The following LAMP5 variants were observed in gnomAD, a reference collection of about 807,000 sequenced individuals.
LAMP5 encodes the protein lysosome-associated membrane glycoprotein 5.
LAMP5 carries 36 observed loss-of-function variants against 30.2 expected under a neutral mutation model. That is an observed-to-expected ratio of 1.19 (90% CI 0.91 to 1.57). The LOEUF is 1.57. Among genes scored for constraint, LAMP5 ranks in the 40% most tolerant of loss-of-function variants. The pLI is 0.00. For synonymous variants in LAMP5, 149 were observed against 134.6 expected (o/e 1.11, Z -0.74); for missense variants, 377 against 354.9 (o/e 1.06, Z -0.50).
At chr20:9,522,490 C>T (rs2045085576) in intron 5 of LAMP5, among the ~76,000 whole-genome samples, 1 of 152,152 alleles carries the variant, frequency 6.6e-6, no homozygotes, top group Admixed American at 6.5e-5. Context: ...GAGTAAGCAG[C>T]CAACGGTAAA....
intron 5 of LAMP5, among the ~76,000 whole-genome samples, chr20:9,523,468 T>C (rs1192801236): frequency 6.6e-6 from 1 of 152,196 alleles, no homozygotes; most frequent in African/African-American, 2.4e-5. Context: ...AATGCTGTCA[T>C]GAAATAAAAC....
chr20:9,515,645 C>CCCT lies in LAMP5; in HGVS notation c.237+21_237+22insCTC. 1 of 1,611,768 alleles carries CCCT rather than the reference C, an allele frequency of 6.2e-7. No homozygotes were observed. The highest frequency in any genetic ancestry group is 8.5e-7 in the Non-Finnish European group (1 of 1,178,490). ...GTAGATGTAAGGAATCTTTCCCCCC[C>CCCT]CTCAGCTTGCTCCTAGGGCTCCAGG... On this transcript the variant is annotated intron_variant, in intron 2 of 5. Coordinates refer to ENST00000246070, the MANE Select transcript of LAMP5 (RefSeq NM_012261.4).
chr20:9,529,500 G>A lies in LAMP5; in HGVS notation c.665-142G>A. ...CGATTAAGTGTTAACCTAGGGGTTG[G>A]TTAGGGAAAACTATTTCTGAAAAAT... is the stretch of plus-strand genomic sequence containing the variant. On this transcript the variant is annotated intron_variant, in intron 5 of 5. Transcript: ENST00000246070. 3 of 770,510 alleles carry A rather than the reference G, an allele frequency of 3.9e-6. No homozygotes were observed. In the South Asian group the frequency reaches 5.9e-5, roughly 15 times the overall value. The allele number at this position is 770,510 out of a possible 1,614,324, so 47.7% of individuals were successfully genotyped here.
In LAMP5 at chr20:9,529,862, G is replaced by T. The variant is rs1020088888; in HGVS notation, c.*42G>T. The T allele has an allele frequency of 6.3e-7, 1 of 1,590,994 alleles. No homozygotes were observed. The highest frequency in any genetic ancestry group is 2.2e-5 in the East Asian group (1 of 44,656). ...ACCCCCTATTCCTGCTCCCCCAACT[G>T]GATCAGGTAGAACAACAAAAGCACT... On this transcript the variant is annotated 3_prime_UTR_variant, in exon 6 of 6. Transcript: ENST00000246070.
chr20:9,518,003 T>G (rs759792486), intron 4 of LAMP5, 37 bp from the exon 5 acceptor site: 1 of 734,200 alleles, frequency 1.4e-6, no homozygotes, highest in Non-Finnish European at 1.9e-6. Context: ...TTAGGAACAA[T>G]GAGGGTTCTA....
rs1171815695 is a variant in LAMP5, at chr20:9,515,623, G to A, written c.235G>A (p.Asp79Asn). The A allele has an allele frequency of 2.5e-6, 4 of 1,610,088 alleles. No individual in the cohort carries two copies. The highest frequency in any genetic ancestry group is 2.7e-5 in the African/African-American group (2 of 72,844). ...PYDVWASNYVDLITEQADIAL... is the reference protein window; with the variant it reads ...PYDVWASNYVNLITEQADIAL... ...TGATGTGTGGGCCAGCAACTACGTA[G>A]ATGTAAGGAATCTTTCCCCCCCCTC... The change falls in exon 2 of 6, where the codon GAT becomes AAT. Residue 79 changes from aspartate (D) to asparagine (N), a missense_variant and splice_region_variant. Physicochemically the swap from Asp to Asn is conservative, Grantham distance 23. Coordinates refer to ENST00000246070, the MANE Select transcript of LAMP5 (RefSeq NM_012261.4).
intron 5 of LAMP5, among the ~76,000 whole-genome samples, chr20:9,526,057 G>A (rs2045110202): frequency 1.3e-5 from 2 of 152,204 alleles, no homozygotes. Context: ...GAAGGGAAGA[G>A]ACAGAGGCTA....
intron 5 of LAMP5, among the ~76,000 whole-genome samples, chr20:9,526,858 GTGTATATATATATATATATATATA>G (rs1281233658): frequency 2.2e-5 from 2 of 90,638 alleles, no homozygotes; most frequent in Non-Finnish European, 2.3e-5. Flanking sequence ...ATGTGTGTGT[GTGTATATATATATATATATATATA>G]TATATATATA....
At chr20:9,518,757 C>T (rs2045060199) in intron 5 of LAMP5, among the ~76,000 whole-genome samples, 1 of 152,342 alleles carries the variant, frequency 6.6e-6, no homozygotes, top group African/African-American at 2.4e-5. Context: ...CTCTCGGATA[C>T]TTCTAGTTGA....
intron 4 of LAMP5, among the ~76,000 whole-genome samples, chr20:9,517,621 A>ATGTGTGTGTGTGTG (rs3037127): frequency 0.034 from 5,009 of 149,176 alleles, 127 homozygotes; most frequent in African/African-American, 0.048. Flanking sequence ...TTGTAAATGT[A>ATGTGTGTGTGTGTG]TGTGTGTGTG....
chr20:9,525,918 G>C (rs185848876), intron 5 of LAMP5, among the ~76,000 whole-genome samples: 1 of 152,226 alleles, frequency 6.6e-6, no homozygotes, highest in African/African-American at 2.4e-5. Context: ...TAGGAAGGTA[G>C]ATGTTGTATT....
chr20:9,516,446 A>C, intron 4 of LAMP5, 85 bp downstream of exon 4: 1 of 1,170,200 alleles, frequency 8.5e-7, no homozygotes, highest in Non-Finnish European at 1.3e-6. Flanking sequence ...GGTTTTGGAA[A>C]CCGTCCCACG....
chr20:9,517,905 GC>G (rs1421794956), intron 4 of LAMP5, 134 bp from the exon 5 acceptor site: 1 of 679,456 alleles, frequency 1.5e-6, no homozygotes, highest in Non-Finnish European at 2.5e-6. Flanking sequence ...CATTTGTAGA[GC>G]CCTAGCCCTG....
At chr20:9,525,449 A>C (rs1026281211) in intron 5 of LAMP5, among the ~76,000 whole-genome samples, 1 of 152,212 alleles carries the variant, frequency 6.6e-6, no homozygotes, top group Non-Finnish European at 1.5e-5. Flanking sequence ...ACTGAAGCTT[A>C]GTAGATTAAG....
intron 1 of LAMP5, among the ~76,000 whole-genome samples, chr20:9,515,250 T>TG (rs201156005): frequency 1.3e-5 from 2 of 152,074 alleles, no homozygotes; most frequent in African/African-American, 4.8e-5. Flanking sequence ...TTTTTAATTT[T>TG]TTTAACTGTA....
chr20:9,515,641 C>A lies in LAMP5; in HGVS notation c.237+16C>A, dbSNP rs1157287659. On this transcript the variant is annotated intron_variant, in intron 2 of 5. Transcript: ENST00000246070. ...CTACGTAGATGTAAGGAATCTTTCC[C>A]CCCCCTCAGCTTGCTCCTAGGGCTC... is the stretch of plus-strand genomic sequence containing the variant. 7 of 1,612,310 alleles carry A rather than the reference C, an allele frequency of 4.3e-6. No homozygotes were observed. The highest frequency in any genetic ancestry group is 4.2e-6 in the Non-Finnish European group (5 of 1,178,812).
intron 5 of LAMP5, among the ~76,000 whole-genome samples, chr20:9,525,000 A>G (rs1207372909): frequency 1.3e-5 from 2 of 152,178 alleles, no homozygotes; most frequent in Admixed American, 6.5e-5. Flanking sequence ...GGTAGTAGCT[A>G]TGATACTTTT....
chr20:9,527,505 G>T (rs976759260), intron 5 of LAMP5, among the ~76,000 whole-genome samples: 4 of 152,152 alleles, frequency 2.6e-5, no homozygotes, highest in Admixed American at 6.5e-5. Context: ...CTGATCTCAG[G>T]CAAGGTGAGA....
intron 5 of LAMP5, among the ~76,000 whole-genome samples, chr20:9,527,243 A>G (rs1214354815): frequency 6.6e-6 from 1 of 152,162 alleles, no homozygotes; most frequent in Non-Finnish European, 1.5e-5. Flanking sequence ...GTTTGAGTTC[A>G]GATCAGGCTT....
Sources: gnomAD v4.1 joint callset for allele counts (sites outside exome capture counted in the v4.1 genomes callset) on GRCh38, gnomAD v4.1.1 for gene constraint, MANE v1.5 for transcripts, NCBI Gene and HGNC (gene_info 2026-07-23, HGNC 2026-07-21) for gene names.